The following LYN variants were observed in gnomAD, a reference collection of about 807,000 sequenced individuals.
The protein encoded by LYN is tyrosine-protein kinase Lyn.
In LYN, 12 loss-of-function variants were observed where a neutral mutation model predicts 65.0. The ratio of observed to expected loss-of-function variants is 0.18; its 90% CI spans 0.12 to 0.30. The LOEUF is 0.30. Among genes scored for constraint, LYN ranks in the 10% least tolerant of loss-of-function variants. The pLI is 1.00. For missense variants in LYN, 380 were observed against 623.2 expected, an observed-to-expected ratio of 0.61 and a Z score of 4.16; for synonymous variants, 222 against 221.2, an observed-to-expected ratio of 1.00 and a Z score of -0.03.
chr8:55,944,947 C>T (rs959089385), intron 2 of LYN, among the ~76,000 whole-genome samples: 1 of 152,180 alleles, frequency 6.6e-6, no homozygotes, highest in African/African-American at 2.4e-5. Context: ...TTTCAATTCC[C>T]TCCTGTATAC....
At chr8:55,902,494 AT>A (rs538305897) in intron 1 of LYN, among the ~76,000 whole-genome samples, 74 of 149,406 alleles carry the variant, frequency 5.0e-4, no homozygotes, top group African/African-American at 1.3e-3. Context: ...CGCCCAGCTA[AT>A]TTTTTTTTTC....
intron 1 of LYN, among the ~76,000 whole-genome samples, chr8:55,890,295 G>A (rs1183123406): frequency 6.6e-6 from 1 of 152,094 alleles, no homozygotes; most frequent in East Asian, 1.9e-4. Flanking sequence ...CTGGGTGACA[G>A]AGCGACAGCC....
At chr8:55,883,218 TTG>T (rs928915772) in intron 1 of LYN, among the ~76,000 whole-genome samples, 7 of 152,322 alleles carry the variant, frequency 4.6e-5, no homozygotes, top group Non-Finnish European at 1.0e-4. Context: ...CCTAATGCTT[TTG>T]CACCATCGTA....
intron 10 of LYN, among the ~76,000 whole-genome samples, chr8:55,987,011 C>T (rs1445737430): frequency 3.3e-5 from 5 of 152,174 alleles, no homozygotes; most frequent in African/African-American, 7.2e-5. Flanking sequence ...CCGCCACATT[C>T]GGCCTAAGTT....
chr8:55,931,289 T>C (rs908053468), intron 1 of LYN, among the ~76,000 whole-genome samples: 1 of 150,394 alleles, frequency 6.6e-6, no homozygotes, highest in Admixed American at 6.6e-5. Context: ...TATATGTACA[T>C]GTATAACTTG....
chr8:55,906,585 C>T (rs1468826690), intron 1 of LYN, among the ~76,000 whole-genome samples: 2 of 148,300 alleles, frequency 1.3e-5, no homozygotes, highest in African/African-American at 5.0e-5. Flanking sequence ...TTGAACTCCT[C>T]ACCTCAGGTA....
intron 1 of LYN, among the ~76,000 whole-genome samples, chr8:55,881,789 G>A (rs1209306114): frequency 6.6e-6 from 1 of 152,154 alleles, no homozygotes. Flanking sequence ...TTGTCTGCAG[G>A]TTGATAGTCT....
intron 1 of LYN, among the ~76,000 whole-genome samples, chr8:55,903,480 A>G (rs1277621347): frequency 6.6e-6 from 1 of 152,226 alleles, no homozygotes. Context: ...CTAAAAAACT[A>G]CTTGAGTGTT....
chr8:55,900,355 A>G (rs1420258182), intron 1 of LYN, among the ~76,000 whole-genome samples: 1 of 152,068 alleles, frequency 6.6e-6, no homozygotes, highest in African/African-American at 2.4e-5. Context: ...TTGGGGGAAA[A>G]ATAATCTTCC....
intron 1 of LYN, among the ~76,000 whole-genome samples, chr8:55,885,254 T>C (rs1804760395): frequency 6.6e-6 from 1 of 152,270 alleles, no homozygotes; most frequent in African/African-American, 2.4e-5. Flanking sequence ...TGGCTGTTTC[T>C]TGATGGTTGA....
chr8:55,884,522 TCCCA>T, intron 1 of LYN, among the ~76,000 whole-genome samples: 2 of 152,158 alleles, frequency 1.3e-5, no homozygotes, highest in Non-Finnish European at 2.9e-5. Flanking sequence ...TTTGGCGTGA[TCCCA>T]GTTCACTGCA....
At chr8:55,967,418 G>T (rs10112175) in intron 9 of LYN, among the ~76,000 whole-genome samples, 1 of 147,444 alleles carries the variant, frequency 6.8e-6, no homozygotes, top group African/African-American at 2.5e-5. Context: ...GGGTTCAAGC[G>T]ATTCTCCTGC....
At position 55,909,049 on chromosome 8, in the gene LYN, A is replaced by C. The variant is rs961301988; in HGVS notation, c.-6+28946A>C. ...CACACACACACACACACACACACAC[A>C]CACCCCACATTTTCTTTACTTTTAT... is the stretch of plus-strand genomic sequence containing the variant. On this transcript the variant is annotated intron_variant, in intron 1 of 12. Transcript: ENST00000519728. 2.9e-3 allele frequency among the ~76,000 whole-genome samples: 149 copies of C among 51,330 alleles called. 5 individuals carry two copies. The highest frequency in any genetic ancestry group is 7.8e-3 in the Middle Eastern group (1 of 128). The allele number at this position is 51,330 out of a possible 152,430, so 33.7% of individuals were successfully genotyped here. A position where few individuals can be genotyped will look rare whatever the true frequency, so the allele number is the denominator to read the frequency against.
chr8:55,978,781 G>A (rs1807834409), intron 10 of LYN, among the ~76,000 whole-genome samples: 1 of 152,196 alleles, frequency 6.6e-6, no homozygotes, highest in Non-Finnish European at 1.5e-5. Flanking sequence ...CTTTGCGACA[G>A]GGAAGTCTTT....
chr8:55,954,113 T>C (rs1807033845), intron 8 of LYN, 129 bp downstream of exon 8: 2 of 1,060,626 alleles, frequency 1.9e-6, no homozygotes, highest in African/African-American at 1.6e-5. Flanking sequence ...TATTTTGTTT[T>C]CCTCTGTCCA....
chr8:55,954,288 C>T (rs992371984), intron 8 of LYN, among the ~76,000 whole-genome samples: 16 of 152,146 alleles, frequency 1.1e-4, no homozygotes, highest in Admixed American at 3.3e-4. Flanking sequence ...TCTGGATGCA[C>T]GGCTCAAGTG....
chr8:55,881,343 C>T (rs1342473596), intron 1 of LYN, among the ~76,000 whole-genome samples: 1 of 152,172 alleles, frequency 6.6e-6, no homozygotes, highest in Non-Finnish European at 1.5e-5. Context: ...AAAGAACTAG[C>T]CAATAAACTG....
chr8:55,999,383 A>G (rs768990818), intron 11 of LYN, 35 bp from the exon 12 acceptor site: 13 of 1,593,498 alleles, frequency 8.2e-6, no homozygotes, highest in Non-Finnish European at 1.1e-5. Context: ...TTAAGTTTAA[A>G]TACCCAAGTA....
At chr8:55,984,243 G>T (rs1441217642) in intron 10 of LYN, among the ~76,000 whole-genome samples, 1 of 152,082 alleles carries the variant, frequency 6.6e-6, no homozygotes, top group Non-Finnish European at 1.5e-5. Context: ...CGTGAGTTTT[G>T]GGGGGACATT....
Sources: gnomAD v4.1 joint callset for allele counts (sites outside exome capture counted in the v4.1 genomes callset) on GRCh38, gnomAD v4.1.1 for gene constraint, MANE v1.5 for transcripts, NCBI Gene and HGNC (gene_info 2026-07-23, HGNC 2026-07-21) for gene names.